INSR: variants seen among roughly 807,000 people sequenced by gnomAD.
The protein encoded by INSR is insulin receptor, also known as IR.
A neutral mutation model predicts 142.6 loss-of-function variants in INSR; 67 were observed. The ratio of observed to expected loss-of-function variants is 0.47; its 90% CI spans 0.39 to 0.58. The LOEUF is 0.58. Ranked by LOEUF, INSR falls within the 20% of genes least tolerant of loss-of-function variation. The pLI, the probability that INSR is intolerant of heterozygous loss-of-function variation, is 0.00. For missense variants in INSR, 1,248 were observed against 1,833.2 expected (o/e 0.68, Z 5.83); for synonymous variants, 756 against 743.1 (o/e 1.02, Z -0.28).
At chr19:7,270,100 A>G (rs1967868175) in intron 1 of INSR, among the ~76,000 whole-genome samples, 1 of 151,720 alleles carries the variant, frequency 6.6e-6, no homozygotes, top group Non-Finnish European at 1.5e-5. Context: ...GAAGTGTCCA[A>G]CACCACGCCC....
At chr19:7,120,504 T>C (rs964081412) in intron 20 of INSR, 116 bp downstream of exon 20, 5 of 1,268,498 alleles carry the variant, frequency 3.9e-6, no homozygotes, top group Non-Finnish European at 5.7e-6. Flanking sequence ...GACGCTGCCT[T>C]CCTTTCCTTG....
chr19:7,181,658 C>G (rs894288780), intron 3 of INSR, among the ~76,000 whole-genome samples: 1 of 151,670 alleles, frequency 6.6e-6, no homozygotes, highest in South Asian at 2.1e-4. Context: ...CAACCTCTGC[C>G]TCCTGGGTTC....
chr19:7,158,369 C>T (rs10415781), intron 9 of INSR, among the ~76,000 whole-genome samples: 3,475 of 151,988 alleles, frequency 0.023, 147 homozygotes, highest in African/African-American at 0.078. Flanking sequence ...GGCGTGGTGG[C>T]GGGCGCCTGT....
chr19:7,123,294 G>C, intron 17 of INSR: 1 of 363,544 alleles, frequency 2.8e-6, no homozygotes, highest in Non-Finnish European at 5.3e-6. Context: ...TCAGTCTCCC[G>C]AGTAGCTGGG....
rs1156898843 is a variant in INSR at position 7,170,567 on chromosome 19, C to A, written c.1453G>T (p.Ala485Ser). 1 of 1,613,194 alleles carries A rather than the reference C, an allele frequency of 6.2e-7. No homozygotes were observed. Among genetic ancestry groups the A allele is most frequent in the Non-Finnish European group, 8.5e-7 (1 of 1,179,844 alleles). Residue 485 changes from alanine (A) to serine (S), a missense_variant, in exon 6 of 22, where the codon GCC becomes TCC. Ala to Ser is a moderately conservative substitution (Grantham distance 99). Transcript: ENST00000302850. ...TKGRQERNDI[A>S]LKTNGDQASC... ...GCCTGGTCCCCATTGGTCTTCAGGG[C>A]AATGTCGTTTCTCTCCTGGCGCCCC...
Position 7,267,012 on chromosome 19 carries a change from G to A in INSR, c.652+333C>T, listed in dbSNP as rs1364233781. ...CAGGCGGTGGCAAACTGCTGCCCTC[G>A]AGCAAAATCCGGCCCACGACTTGTT... On this transcript the variant is annotated intron_variant, in intron 2 of 21. Transcript: ENST00000302850. This position sits in a 1 kb window ranked among gnomAD's most constrained non-coding sequence, Gnocchi z 6.3. Among the ~76,000 whole-genome samples the A allele has an allele frequency of 6.6e-5, 10 of 152,094 alleles. No homozygotes were observed. The East Asian group carries it at 1.9e-3, about 29-fold the overall frequency.
At chr19:7,196,548 G>T (rs1181008499) in intron 2 of INSR, among the ~76,000 whole-genome samples, 1 of 152,116 alleles carries the variant, frequency 6.6e-6, no homozygotes, top group Non-Finnish European at 1.5e-5. Context: ...CAAAAATCCA[G>T]TCACTCTGAC....
At chr19:7,253,813 G>A (rs920698082) in intron 2 of INSR, among the ~76,000 whole-genome samples, 1 of 152,022 alleles carries the variant, frequency 6.6e-6, no homozygotes, top group Non-Finnish European at 1.5e-5. Context: ...TGGATCATTT[G>A]AGGCCAGGAG....
At position 7,164,741 on chromosome 19, in the gene INSR, G is replaced by C. The variant is rs1973850253; in HGVS notation, c.1861+1413C>G. ...CTCGGGAGGCTGAGGCAGGAGAATC[G>C]CTTGAACCCGGGAGGCAGAGGTTGC... On this transcript the variant is annotated intron_variant, in intron 8 of 21. Coordinates refer to ENST00000302850, the MANE Select transcript of INSR (RefSeq NM_000208.4). Among the ~76,000 whole-genome samples the C allele has an allele frequency of 2.1e-5, 3 of 142,108 alleles. 1 individual carries two copies. The South Asian group carries it at 7.0e-4, about 33-fold the overall frequency. The allele number at this position is 142,108 out of a possible 152,430, so 93.2% of individuals were successfully genotyped here. A position where few individuals can be genotyped will look rare whatever the true frequency, so the allele number is the denominator to read the frequency against.
chr19:7,223,325 A>C (rs555720194), intron 2 of INSR, among the ~76,000 whole-genome samples: 6 of 152,372 alleles, frequency 3.9e-5, no homozygotes, highest in African/African-American at 1.4e-4. Flanking sequence ...TAGAGAAAGA[A>C]GCCCAGCATA....
intron 2 of INSR, among the ~76,000 whole-genome samples, chr19:7,243,494 C>T (rs1019920987): frequency 1.3e-5 from 2 of 152,066 alleles, no homozygotes; most frequent in African/African-American, 4.8e-5. Context: ...GATCTACCTG[C>T]CTCAGCCTCC....
chr19:7,224,965 G>C (rs900933651), intron 2 of INSR, among the ~76,000 whole-genome samples: 1 of 151,488 alleles, frequency 6.6e-6, no homozygotes, highest in Non-Finnish European at 1.5e-5. Flanking sequence ...GGATGAGAGA[G>C]AGACAGACAG....
intron 20 of INSR, among the ~76,000 whole-genome samples, chr19:7,120,405 A>G (rs1278570061): frequency 6.6e-6 from 1 of 152,196 alleles, no homozygotes; most frequent in Non-Finnish European, 1.5e-5. Flanking sequence ...TTCCTAAATT[A>G]ACTGAGACCT....
intron 2 of INSR, among the ~76,000 whole-genome samples, chr19:7,191,413 C>G (rs893030119): frequency 6.6e-6 from 1 of 151,936 alleles, no homozygotes; most frequent in Admixed American, 6.6e-5. Flanking sequence ...GCCACTGCAC[C>G]CCCTAGCTGA....
At chr19:7,195,569 G>A (rs1974721829) in intron 2 of INSR, among the ~76,000 whole-genome samples, 2 of 152,014 alleles carry the variant, frequency 1.3e-5, no homozygotes. Flanking sequence ...TTGAACCCAG[G>A]AGACAGAGGT....
chr19:7,213,416 G>T (rs1975341077), intron 2 of INSR, among the ~76,000 whole-genome samples: 1 of 149,548 alleles, frequency 6.7e-6, no homozygotes, highest in African/African-American at 2.5e-5. Flanking sequence ...AGTATGCAAA[G>T]AATTATTATG....
Position 7,120,601 on chromosome 19 carries a change from C to A in INSR, c.3659+19G>T. ...GAATTCAAGCCCAGCGTCCATCCACCCATCCACACACAACTCACCACATGT... is the reference window on the plus strand; with the variant it reads ...GAATTCAAGCCCAGCGTCCATCCACACATCCACACACAACTCACCACATGT... On this transcript the variant is annotated intron_variant, in intron 20 of 21. Transcript: ENST00000302850. The A allele has an allele frequency of 6.2e-7, 1 of 1,613,830 alleles. No homozygotes were observed. Among genetic ancestry groups the A allele is most frequent in the South Asian group, 1.1e-5 (1 of 91,074 alleles).
At chr19:7,128,702 T>G (rs772234803) in intron 15 of INSR, 150 bp downstream of exon 15, 3 of 649,896 alleles carry the variant, frequency 4.6e-6, no homozygotes, top group Admixed American at 2.4e-5. Flanking sequence ...GTGTATATCA[T>G]ATTATGACAA....
At chr19:7,203,044 C>G (rs1975013817) in intron 2 of INSR, among the ~76,000 whole-genome samples, 1 of 135,958 alleles carries the variant, frequency 7.4e-6, no homozygotes, top group Non-Finnish European at 1.6e-5. Flanking sequence ...ATTTTTCTAA[C>G]TATTCCAAGA....
Sources: gnomAD v4.1 joint callset for allele counts (sites outside exome capture counted in the v4.1 genomes callset) on GRCh38, gnomAD v4.1.1 for gene constraint, Gnocchi (gnomAD v3.1) non-coding constraint, MANE v1.5 for transcripts, NCBI Gene and HGNC (gene_info 2026-07-23, HGNC 2026-07-21) for gene names.